The following DYNC1LI1 variants were observed in gnomAD, a reference collection of about 807,000 sequenced individuals.
DYNC1LI1 encodes dynein cytoplasmic 1 light intermediate chain 1.
In DYNC1LI1, 19 loss-of-function variants were observed where a neutral mutation model predicts 63.8. The ratio of observed to expected loss-of-function variants is 0.30; its 90% CI spans 0.21 to 0.44. The LOEUF (loss-of-function observed/expected upper bound fraction) is 0.44, where lower values mean the gene tolerates loss of function less well. DYNC1LI1 is among the 20% of genes least tolerant of loss of function. The pLI, the probability that DYNC1LI1 is intolerant of heterozygous loss-of-function variation, is 1.00. For missense variants in DYNC1LI1, 565 were observed against 630.2 expected (o/e 0.90, Z 1.11); for synonymous variants, 225 against 232.3 (o/e 0.97, Z 0.28).
intron 2 of DYNC1LI1, among the ~76,000 whole-genome samples, chr3:32,554,821 C>A (rs1698090258): frequency 6.6e-6 from 1 of 150,674 alleles, no homozygotes; most frequent in Admixed American, 6.6e-5. Context: ...CCTCCTCTCT[C>A]ATTTATCAAC....
At chr3:32,560,693 T>C (rs530721844) in intron 2 of DYNC1LI1, among the ~76,000 whole-genome samples, 32 of 151,802 alleles carry the variant, frequency 2.1e-4, no homozygotes, top group African/African-American at 7.2e-4. Context: ...ACGGGCTGTC[T>C]AGATATGAAT....
chr3:32,540,095 T>A (rs755971820), intron 5 of DYNC1LI1, among the ~76,000 whole-genome samples: 8 of 151,352 alleles, frequency 5.3e-5, no homozygotes, highest in Non-Finnish European at 8.8e-5. Context: ...GGTCTCGATC[T>A]CCTGACCTCG....
Position 32,570,374 on chromosome 3 carries a change from G to C in DYNC1LI1, c.192C>G (p.Leu64=), listed in dbSNP as rs767270475. Residue 64 remains leucine, a synonymous_variant, in exon 2 of 13, where the codon CTC becomes CTG. Transcript: ENST00000273130. Reference sequence around the variant, plus strand: ...GCAGTAGCACGTTCTTCCCCGCAGGGAGCTTGGAGCGCGAGCGGGTGGAGA... The same window carrying C: ...GCAGTAGCACGTTCTTCCCCGCAGGCAGCTTGGAGCGCGAGCGGGTGGAGA... ...SEVSTRSRSK[L]PAGKNVLLLG... is the part of the protein sequence containing the mutation. 13 of 1,604,972 alleles carry C rather than the reference G, an allele frequency of 8.1e-6. No homozygotes were observed. In the Admixed American group the frequency reaches 8.4e-5, roughly 10 times the overall value.
Position 32,533,958 on chromosome 3 carries a change from C to T in DYNC1LI1, c.968+553G>A, listed in dbSNP as rs890432975. ...GTGGTGCGATTTCGGTTCACTGCAA[C>T]TTCTGCCTCCCAGGTTCAAGTAATT... is the stretch of plus-strand genomic sequence containing the variant. On this transcript the variant is annotated intron_variant, in intron 7 of 12. Coordinates refer to ENST00000273130, the MANE Select transcript of DYNC1LI1 (RefSeq NM_016141.4). Among the ~76,000 whole-genome samples the T allele has an allele frequency of 2.0e-5, 3 of 148,742 alleles. No homozygotes were observed. The South Asian group carries it at 6.3e-4, about 31-fold the overall frequency.
At chr3:32,527,717 C>G (rs905475321) in intron 12 of DYNC1LI1, among the ~76,000 whole-genome samples, 3 of 152,098 alleles carry the variant, frequency 2.0e-5, no homozygotes, top group Admixed American at 6.5e-5. Flanking sequence ...TTCAAAGCAG[C>G]ACCATATTAA....
At chr3:32,559,322 C>T (rs1048957452) in intron 2 of DYNC1LI1, among the ~76,000 whole-genome samples, 1 of 152,110 alleles carries the variant, frequency 6.6e-6, no homozygotes, top group Non-Finnish European at 1.5e-5. Context: ...CTCACTGCAG[C>T]CTCGATCTCC....
chr3:32,534,457 A>G (rs1465820637), intron 7 of DYNC1LI1, 54 bp downstream of exon 7: 2 of 1,322,852 alleles, frequency 1.5e-6, no homozygotes, highest in Non-Finnish European at 2.1e-6. Context: ...ATGATTCACC[A>G]TCAAATAGTA....
intron 5 of DYNC1LI1, among the ~76,000 whole-genome samples, chr3:32,537,885 ATAATTTATATATATAATAT>A: frequency 9.8e-6 from 1 of 102,068 alleles, no homozygotes; most frequent in East Asian, 2.4e-4. Context: ...ATATATATAT[ATAATTTATATATATAATAT>A]ATATATATAA....
Position 32,541,174 on chromosome 3 carries a change from C to T in DYNC1LI1, c.601G>A (p.Gly201Arg), listed in dbSNP as rs1697877434. 2 of 1,612,100 alleles carry T rather than the reference C, an allele frequency of 1.2e-6. No individual in the cohort carries two copies. Among genetic ancestry groups the T allele is most frequent in the Non-Finnish European group, 1.7e-6 (2 of 1,179,004 alleles). ...IRDFQEYVEP[G>R]EDFPASPQRR... ...TGGGGAGAAGCCGGGAAGTCTTCTC[C>T]TGGCTCTACATATTCTTGGAAGTCT... is the stretch of plus-strand genomic sequence containing the variant. The change falls in exon 5 of 13, where the codon GGA becomes AGA. Residue 201 changes from glycine (G) to arginine (R), a missense_variant. Coordinates refer to ENST00000273130, the MANE Select transcript of DYNC1LI1 (RefSeq NM_016141.4).
At chr3:32,552,875 T>A (rs1698063472) in intron 2 of DYNC1LI1, among the ~76,000 whole-genome samples, 1 of 152,070 alleles carries the variant, frequency 6.6e-6, no homozygotes, top group South Asian at 2.1e-4. Flanking sequence ...CCAGCTAATT[T>A]TTTTATTTTT....
rs758097108 is a variant in DYNC1LI1, at chr3:32,545,973, T to C, written c.221-8A>G. On this transcript the variant is annotated splice_region_variant and splice_polypyrimidine_tract_variant and intron_variant, in intron 2 of 12. Coordinates refer to ENST00000273130, the MANE Select transcript of DYNC1LI1 (RefSeq NM_016141.4). ...TTCCAGCTCCATCTTCACCTAGATA[T>C]GTAAAAAAAGGATAAATCTTATAAA... is the stretch of plus-strand genomic sequence containing the variant. The C allele has an allele frequency of 5.2e-6, 8 of 1,529,788 alleles. No homozygotes were observed. Among genetic ancestry groups the C allele is most frequent in the South Asian group, 1.1e-5 (1 of 88,332 alleles). 94.8% of individuals were successfully genotyped at this position (1,529,788 alleles called of 1,614,324 possible). A position where few individuals can be genotyped will look rare whatever the true frequency, so the allele number is the denominator to read the frequency against.
At position 32,537,982 on chromosome 3, in the gene DYNC1LI1, A is replaced by AT. The variant is rs1553617915; in HGVS notation, c.739-879_739-878insA. 3.5e-4 allele frequency among the ~76,000 whole-genome samples: 12 copies of AT among 34,290 alleles called. 2 individuals are homozygous for AT. Among genetic ancestry groups the AT allele is most frequent in the Admixed American group, 4.8e-4 (1 of 2,104 alleles). The allele number at this position is 34,290 out of a possible 152,430, so 22.5% of individuals were successfully genotyped here. ...ATATAATATATATATATTTATATATAATATATATATATAATTTATATATAT... is the reference window on the plus strand; with the variant it reads ...ATATAATATATATATATTTATATATATATATATATATATAATTTATATATAT... On this transcript the variant is annotated intron_variant, in intron 5 of 12. Coordinates refer to ENST00000273130, the MANE Select transcript of DYNC1LI1 (RefSeq NM_016141.4).
At chr3:32,551,455 C>G (rs1039406677) in intron 2 of DYNC1LI1, among the ~76,000 whole-genome samples, 1 of 152,164 alleles carries the variant, frequency 6.6e-6, no homozygotes, top group South Asian at 2.1e-4. Context: ...GAGGCCAGAT[C>G]ATGAAAGGCA....
At chr3:32,547,905 G>A (rs768737749) in intron 2 of DYNC1LI1, among the ~76,000 whole-genome samples, 1 of 152,112 alleles carries the variant, frequency 6.6e-6, no homozygotes, top group African/African-American at 2.4e-5. Flanking sequence ...AATCTGGTAC[G>A]TGTATGTGTG....
rs1428159543 is a variant in DYNC1LI1 at position 32,526,420 on chromosome 3, C to T, written c.*379G>A. 6.4e-6 allele frequency: 1 copy of T among 155,426 alleles called. No homozygotes were observed. The highest frequency in any genetic ancestry group is 2.4e-5 in the African/African-American group (1 of 41,522). 9.6% of individuals were successfully genotyped at this position (155,426 alleles called of 1,614,324 possible). ...TTATAACTAAAATAAGCTTAGACTTCCAAGTCAGTCAAATGCCCAAACTGC... is the reference window on the plus strand; with the variant it reads ...TTATAACTAAAATAAGCTTAGACTTTCAAGTCAGTCAAATGCCCAAACTGC... On this transcript the variant is annotated 3_prime_UTR_variant, in exon 13 of 13. Coordinates refer to ENST00000273130, the MANE Select transcript of DYNC1LI1 (RefSeq NM_016141.4).
At chr3:32,546,738 C>G (rs1435375624) in intron 2 of DYNC1LI1, among the ~76,000 whole-genome samples, 1 of 152,082 alleles carries the variant, frequency 6.6e-6, no homozygotes, top group Non-Finnish European at 1.5e-5. Context: ...CCCTGTACAT[C>G]AGGACAGGGA....
chr3:32,537,274 G>A (rs942749557), intron 5 of DYNC1LI1, 170 bp from the exon 6 acceptor site: 36 of 378,832 alleles, frequency 9.5e-5, no homozygotes, highest in Non-Finnish European at 1.5e-4. Flanking sequence ...TTTAGTTGGA[G>A]GGACTAATGG....
At chr3:32,557,070 G>A (rs527632623) in intron 2 of DYNC1LI1, among the ~76,000 whole-genome samples, 1 of 152,274 alleles carries the variant, frequency 6.6e-6, no homozygotes, top group African/African-American at 2.4e-5. Flanking sequence ...CCAAGGGTTG[G>A]TCCTTAGTTG....
intron 6 of DYNC1LI1, among the ~76,000 whole-genome samples, chr3:32,534,999 T>C (rs1559435234): frequency 6.6e-6 from 1 of 152,216 alleles, no homozygotes; most frequent in Non-Finnish European, 1.5e-5. Context: ...AGAGGGGATA[T>C]TATTTATCAA....
Sources: gnomAD v4.1 joint callset for allele counts (sites outside exome capture counted in the v4.1 genomes callset) on GRCh38, gnomAD v4.1.1 for gene constraint, MANE v1.5 for transcripts, NCBI Gene and HGNC (gene_info 2026-07-23, HGNC 2026-07-21) for gene names.